The following GP9 variants were observed in gnomAD, a reference collection of about 807,000 sequenced individuals.
The protein encoded by GP9 is glycoprotein IX platelet.
For missense variants in GP9, 228 were observed against 241.8 expected (o/e 0.94, Z 0.38); for synonymous variants, 116 against 116.7 (o/e 0.99, Z 0.04).
At chr3:129,055,125 C>T in the GP9 span, among the ~76,000 whole-genome samples, 1 of 152,168 alleles carries the variant, frequency 6.6e-6, no homozygotes, top group Non-Finnish European at 1.5e-5. Context: ...GTGTCTGAAG[C>T]ACAAAAAGGA....
chr3:129,058,375 G>A (rs188934115), upstream of GP9, among the ~76,000 whole-genome samples: 1 of 152,268 alleles, frequency 6.6e-6, no homozygotes, highest in East Asian at 1.9e-4. Context: ...TCTTATTCCA[G>A]CCCTCCTGAG....
At chr3:129,055,505 G>A in the GP9 span, among the ~76,000 whole-genome samples, 1 of 152,218 alleles carries the variant, frequency 6.6e-6, no homozygotes, top group Admixed American at 6.5e-5. Flanking sequence ...AAGTCCCATG[G>A]TTAGGGCTTT....
At chr3:129,058,634 T>C (rs772616357), upstream of GP9, among the ~76,000 whole-genome samples, 10 of 152,148 alleles carry the variant, frequency 6.6e-5, no homozygotes. Flanking sequence ...AGTTACAGGG[T>C]TCTGGAAACT....
At chr3:129,056,189 A>T (rs1946520639), upstream of GP9, among the ~76,000 whole-genome samples, 1 of 152,262 alleles carries the variant, frequency 6.6e-6, no homozygotes, top group Non-Finnish European at 1.5e-5. Flanking sequence ...ACCAGGTTTC[A>T]GAGCAAGGCA....
At chr3:129,059,035 G>A (rs983969623), upstream of GP9, among the ~76,000 whole-genome samples, 4 of 152,140 alleles carry the variant, frequency 2.6e-5, no homozygotes, top group Non-Finnish European at 4.4e-5. Flanking sequence ...GCATTATCCT[G>A]TGCCTCTTGG....
upstream of GP9, among the ~76,000 whole-genome samples, chr3:129,058,090 C>T (rs1459366196): frequency 2.6e-5 from 4 of 152,180 alleles, no homozygotes; most frequent in East Asian, 7.7e-4. Context: ...GATCTGCCTG[C>T]CTCAGCCTCC....
chr3:129,055,694 G>C, the GP9 span, among the ~76,000 whole-genome samples: 1 of 151,366 alleles, frequency 6.6e-6, no homozygotes, highest in East Asian at 1.9e-4. Flanking sequence ...GCCCAGGCTG[G>C]AGTGCAATGG....
upstream of GP9, among the ~76,000 whole-genome samples, chr3:129,057,635 C>A (rs1946532924): frequency 6.6e-6 from 1 of 152,032 alleles, no homozygotes; most frequent in Non-Finnish European, 1.5e-5. Flanking sequence ...AGTAGCAGCA[C>A]AGGGAGAAGT....
chr3:129,062,130 C>T lies in GP9; in HGVS notation c.391C>T (p.Gln131Ter). The T allele has an allele frequency of 6.3e-7, 1 of 1,590,780 alleles. No homozygotes were observed. The highest frequency in any genetic ancestry group is 8.5e-7 in the Non-Finnish European group (1 of 1,171,100). Residue 131 changes from glutamine (Q) to a stop codon, truncating the protein, a stop_gained, in exon 3 of 3, where the codon CAG (glutamine) becomes TAG (stop). Transcript: ENST00000307395. LOFTEE classifies it low-confidence loss of function (END_TRUNC). Reference protein sequence around the residue: ...HGPLGRLTGYQLGSCGWQLQA... With the variant: ...HGPLGRLTGY Reference sequence around the variant, plus strand: ...CCCGCTGGGCCGGCTGACAGGCTACCAGCTGGGCAGCTGTGGCTGGCAGCT... The same window carrying T: ...CCCGCTGGGCCGGCTGACAGGCTACTAGCTGGGCAGCTGTGGCTGGCAGCT...
In GP9 at chr3:129,062,050, C is replaced by T. The variant is rs780671537; in HGVS notation, c.311C>T (p.Thr104Met). The part of the protein sequence containing the change: ...TYLRLWLEDR[T>M]PEALLQVRCA... Reference sequence around the variant, plus strand: ...CTGCGCCTCTGGCTGGAGGACCGCACGCCCGAGGCCCTGCTGCAGGTCCGC... The same window carrying T: ...CTGCGCCTCTGGCTGGAGGACCGCATGCCCGAGGCCCTGCTGCAGGTCCGC... The change falls in exon 3 of 3, where the codon ACG (threonine) becomes ATG (methionine). Residue 104 changes from threonine to methionine, a missense_variant. Coordinates refer to ENST00000307395, the MANE Select transcript of GP9 (RefSeq NM_000174.5). 3.7e-6 allele frequency: 6 copies of T among 1,612,642 alleles called. No individual in the cohort carries two copies. Among genetic ancestry groups the T allele is most frequent in the Admixed American group, 1.7e-5 (1 of 60,020 alleles).
chr3:129,056,698 A>G (rs1428719281), upstream of GP9, among the ~76,000 whole-genome samples: 1 of 152,194 alleles, frequency 6.6e-6, no homozygotes, highest in Non-Finnish European at 1.5e-5. Context: ...CGGCTGGGTG[A>G]GTGCGTCGAG....
chr3:129,061,768 T>C lies in GP9; in HGVS notation c.29T>C (p.Leu10Pro), dbSNP rs1227404778. The C allele has an allele frequency of 6.2e-7, 1 of 1,613,098 alleles. No homozygotes were observed. The highest frequency in any genetic ancestry group is 1.7e-5 in the Admixed American group (1 of 59,976). ...CCTGCCTGGGGAGCCCTGTTCCTGC[T>C]CTGGGCCACAGCAGAGGCCACCAAG... Reference protein sequence around the residue: MPAWGALFLLWATAEATKDC... With the variant: MPAWGALFLPWATAEATKDC... Residue 10 changes from leucine to proline, a missense_variant, in exon 3 of 3, where the codon CTC (leucine) becomes CCC (proline). Coordinates refer to ENST00000307395, the MANE Select transcript of GP9 (RefSeq NM_000174.5).
the GP9 span, among the ~76,000 whole-genome samples, chr3:129,055,770 G>A: frequency 2.5e-4 from 38 of 151,964 alleles, no homozygotes; most frequent in African/African-American, 8.2e-4. Context: ...TCAGTCTCCC[G>A]AGTAGCTGGG....
upstream of GP9, among the ~76,000 whole-genome samples, chr3:129,057,830 C>CTTT (rs869136524): frequency 7.3e-5 from 9 of 123,900 alleles, no homozygotes; most frequent in Non-Finnish European, 1.6e-4. Flanking sequence ...TAGGTTGCTT[C>CTTT]TTTTTTTTTT....
rs1357144982 is a variant in GP9, at chr3:129,061,621, T to C, written c.-13+2T>C. On this transcript the variant is annotated splice_donor_variant, in intron 2 of 2. Coordinates refer to ENST00000307395, the MANE Select transcript of GP9 (RefSeq NM_000174.5). LOFTEE classifies it low-confidence loss of function (5UTR_SPLICE). ...GAAGGCTGAGACCCGAGAAGGGAGGTGAGTGCACCCCGTCCCATGTCAGGC... is the reference window on the plus strand; with the variant it reads ...GAAGGCTGAGACCCGAGAAGGGAGGCGAGTGCACCCCGTCCCATGTCAGGC... The C allele has an allele frequency of 2.4e-6, 2 of 831,152 alleles. No homozygotes were observed. The highest frequency in any genetic ancestry group is 3.9e-6 in the Non-Finnish European group (2 of 508,398). The allele number at this position is 831,152 out of a possible 1,614,324, so 51.5% of individuals were successfully genotyped here.
At position 129,062,348 on chromosome 3, in the gene GP9, T is replaced by C; in HGVS notation, c.*75T>C. 1 of 1,050,738 alleles carries C rather than the reference T, an allele frequency of 9.5e-7. No homozygotes were observed. 65.1% of individuals were successfully genotyped at this position (1,050,738 alleles called of 1,614,324 possible). ...GCAGGTCCCCAGACTCCACCAAGCC[T>C]GGTCAGCCCAAACCACCAGAAGCCC... On this transcript the variant is annotated 3_prime_UTR_variant, in exon 3 of 3. Coordinates refer to ENST00000307395, the MANE Select transcript of GP9 (RefSeq NM_000174.5).
upstream of GP9, among the ~76,000 whole-genome samples, chr3:129,059,522 A>G (rs557013981): frequency 6.6e-6 from 1 of 152,342 alleles, no homozygotes; most frequent in African/African-American, 2.4e-5. Flanking sequence ...CACTGAGCAC[A>G]TACCAGGGGA....
chr3:129,055,526 G>C, the GP9 span, among the ~76,000 whole-genome samples: 4 of 152,204 alleles, frequency 2.6e-5, no homozygotes, highest in African/African-American at 9.7e-5. Context: ...CAGCTGGGGA[G>C]GGGTATCTTT....
chr3:129,062,122 C>G lies in GP9; in HGVS notation c.383C>G (p.Thr128Arg), dbSNP rs771201708. 24 of 1,594,836 alleles carry G rather than the reference C, an allele frequency of 1.5e-5. No individual in the cohort carries two copies. Among genetic ancestry groups the G allele is most frequent in the African/African-American group, 9.4e-5 (7 of 74,536 alleles). Residue 128 changes from threonine (T) to arginine (R), a missense_variant, in exon 3 of 3, where the codon ACA becomes AGA. Transcript: ENST00000307395. ...GCCCATGGCCCGCTGGGCCGGCTGA[C>G]AGGCTACCAGCTGGGCAGCTGTGGC... ...LAAHGPLGRLTGYQLGSCGWQ... is the reference protein window; with the variant it reads ...LAAHGPLGRLRGYQLGSCGWQ...
Sources: gnomAD v4.1 joint callset for allele counts (sites outside exome capture counted in the v4.1 genomes callset) on GRCh38, gnomAD v4.1.1 for gene constraint, MANE v1.5 for transcripts, NCBI Gene and HGNC (gene_info 2026-07-23, HGNC 2026-07-21) for gene names.